Variants in DPH6 observed in about 807,000 individuals in gnomAD.
The protein encoded by DPH6 is diphthamine biosynthesis 6, also known as diphthine--ammonia ligase.
DPH6 carries 33 observed loss-of-function variants against 38.2 expected under a neutral mutation model. That is an observed-to-expected ratio of 0.86 (90% confidence interval 0.65 to 1.15). The LOEUF (loss-of-function observed/expected upper bound fraction) is 1.15, where lower values mean the gene tolerates loss of function less well. Ranked by LOEUF, DPH6 falls within the 50% of genes most tolerant of loss-of-function variation. The pLI is 0.00. For missense variants in DPH6, 325 were observed against 320.0 expected (o/e 1.02, Z -0.12); for synonymous variants, 108 against 103.0 (o/e 1.05, Z -0.30).
intron 3 of DPH6, among the ~76,000 whole-genome samples, chr15:35,358,927 G>A (rs550144462): frequency 6.6e-6 from 1 of 152,100 alleles, no homozygotes; most frequent in Non-Finnish European, 1.5e-5. Flanking sequence ...ACTAGTGGTG[G>A]GTAGGGCCCT....
the DPH6 span, among the ~76,000 whole-genome samples, chr15:35,196,758 T>C: frequency 3.3e-5 from 5 of 152,174 alleles, no homozygotes; most frequent in Non-Finnish European, 7.4e-5. Context: ...GGGGATAGCA[T>C]TGGCACATAA....
Position 35,479,631 on chromosome 15 carries a change from G to A in DPH6, c.313-24811C>T, listed in dbSNP as rs896065064. Among the ~76,000 whole-genome samples, 4 of 152,048 alleles carry A rather than the reference G, an allele frequency of 2.6e-5. No homozygotes were observed. The South Asian group carries it at 6.2e-4, about 24-fold the overall frequency. On this transcript the variant is annotated intron_variant, in intron 3 of 8. Transcript: ENST00000256538. ...ATGAAATTCAAACTGGTCACCAAGA[G>A]GTGACTTAATCTAGCTGCCTCTTGC...
Position 35,373,592 on chromosome 15 carries a change from C to G in DPH6, c.679G>C (p.Val227Leu), listed in dbSNP as rs750519127. ...KKIIVDSSEV[V>L]IHSADAFAPV... The stretch of plus-strand genomic sequence containing the variant: ...GCAAATGCATCAGCTGAATGTATGA[C>G]TACTTCTGATGAATCCCTGAAATAC... Residue 227 changes from valine (V) to leucine (L), a missense_variant, in exon 8 of 9, where the codon GTC (valine) becomes CTC (leucine). Physicochemically the swap from Val to Leu is conservative, Grantham distance 32. Coordinates refer to ENST00000256538, the MANE Select transcript of DPH6 (RefSeq NM_080650.4). The G allele has an allele frequency of 1.9e-6, 3 of 1,608,310 alleles. No homozygotes were observed. Among genetic ancestry groups the G allele is most frequent in the Admixed American group, 1.7e-5 (1 of 58,900 alleles).
At chr15:35,163,560 G>A in the DPH6 span, among the ~76,000 whole-genome samples, 1 of 151,916 alleles carries the variant, frequency 6.6e-6, no homozygotes, top group Non-Finnish European at 1.5e-5. Context: ...GCAGTGAATC[G>A]AAAAGTTATG....
chr15:35,474,286 A>T (rs1028483246), intron 3 of DPH6, among the ~76,000 whole-genome samples: 7 of 152,174 alleles, frequency 4.6e-5, no homozygotes, highest in African/African-American at 1.7e-4. Flanking sequence ...TCTGATCTAC[A>T]TATTACTGCC....
the DPH6 span, among the ~76,000 whole-genome samples, chr15:35,162,064 C>T: frequency 6.6e-6 from 1 of 151,864 alleles, no homozygotes; most frequent in Non-Finnish European, 1.5e-5. Context: ...ATCAAGTCTT[C>T]AATATATACC....
chr15:35,241,187 T>C (rs1296493929), intron 3 of DPH6, among the ~76,000 whole-genome samples: 12 of 142,818 alleles, frequency 8.4e-5, no homozygotes, highest in East Asian at 4.4e-4. Context: ...CCTGGAACTC[T>C]GGCCCAAGGC....
intron 3 of DPH6, among the ~76,000 whole-genome samples, chr15:35,496,567 A>ATATATATATATATATATATATAT (rs1555406398): frequency 7.1e-4 from 22 of 31,010 alleles, no homozygotes; most frequent in East Asian, 3.1e-3. Flanking sequence ...AAAAAAAAAA[A>ATATATATATATATATATATATAT]ATATATATAT....
chr15:35,291,203 C>G (rs1313192620), intron 3 of DPH6, among the ~76,000 whole-genome samples: 1 of 151,912 alleles, frequency 6.6e-6, no homozygotes, highest in African/African-American at 2.4e-5. Flanking sequence ...GTAAATTACA[C>G]CAAGGGATGG....
rs1356250772 is a variant in DPH6, at chr15:35,474,805, T to A, written c.313-19985A>T. On this transcript the variant is annotated intron_variant, in intron 3 of 8. Transcript: ENST00000256538. ...TGTACATTCAGAAGATCTTTAATAT[T>A]AAGAGTTGGGATATAAAAGCCAGTC... Among the ~76,000 whole-genome samples, 7 of 152,134 alleles carry A rather than the reference T, an allele frequency of 4.6e-5. No homozygotes were observed. The East Asian group carries it at 1.4e-3, about 29-fold the overall frequency.
intron 6 of DPH6, among the ~76,000 whole-genome samples, chr15:35,388,933 T>C (rs1035720001): frequency 6.6e-6 from 1 of 152,206 alleles, no homozygotes; most frequent in African/African-American, 2.4e-5. Flanking sequence ...ATTGTGATGT[T>C]AGGGTGTCAA....
intron 5 of DPH6, among the ~76,000 whole-genome samples, chr15:35,412,006 T>G (rs1328397596): frequency 6.6e-6 from 1 of 151,598 alleles, no homozygotes; most frequent in African/African-American, 2.4e-5. Flanking sequence ...ATTAATAAGC[T>G]GACTTCATTA....
At chr15:35,470,055 G>A (rs1202822760) in intron 3 of DPH6, among the ~76,000 whole-genome samples, 1 of 151,944 alleles carries the variant, frequency 6.6e-6, no homozygotes, top group Non-Finnish European at 1.5e-5. Context: ...AAAATTAGCC[G>A]GGCATGGTGG....
intron 3 of DPH6, among the ~76,000 whole-genome samples, chr15:35,241,570 AC>A (rs1300957155): frequency 7.0e-6 from 1 of 142,360 alleles, no homozygotes; most frequent in Non-Finnish European, 1.5e-5. Context: ...TGCTTCCCTG[AC>A]TATTCCTGGA....
At chr15:35,433,116 A>C (rs930155085) in intron 5 of DPH6, among the ~76,000 whole-genome samples, 1 of 152,256 alleles carries the variant, frequency 6.6e-6, no homozygotes, top group African/African-American at 2.4e-5. Context: ...TTTGCAAATC[A>C]AAGTATTAAA....
chr15:35,536,146 C>G (rs1016292323), intron 3 of DPH6, among the ~76,000 whole-genome samples: 2 of 151,810 alleles, frequency 1.3e-5, no homozygotes, highest in African/African-American at 2.4e-5. Flanking sequence ...TATAGCTTTT[C>G]TAGATTCATT....
At chr15:35,498,213 C>G (rs974921887) in intron 3 of DPH6, among the ~76,000 whole-genome samples, 4 of 152,084 alleles carry the variant, frequency 2.6e-5, no homozygotes, top group African/African-American at 4.8e-5. Flanking sequence ...TGAGTGCCAG[C>G]CCTCAGAAAG....
Position 35,468,718 on chromosome 15 carries a change from T to TGATGGGAAGTTTAAG in DPH6, c.313-13913_313-13899dup, listed in dbSNP as rs549405244. On this transcript the variant is annotated intron_variant, in intron 3 of 8. Coordinates refer to ENST00000256538, the MANE Select transcript of DPH6 (RefSeq NM_080650.4). ...GAAGGGGAAAAAAACCTGGTAAGAA[T>TGATGGGAAGTTTAAG]GATGGGAAGTTTAAGGGTGGCGAAA... 3.6e-3 allele frequency among the ~76,000 whole-genome samples: 542 copies of TGATGGGAAGTTTAAG among 152,048 alleles called. 2 individuals are homozygous for TGATGGGAAGTTTAAG. Among genetic ancestry groups the TGATGGGAAGTTTAAG allele is most frequent in the Middle Eastern group, 0.01 (3 of 294 alleles).
At chr15:35,331,019 G>T (rs1395529709) in exon 4 of DPH6, 1 of 152,206 alleles carries the variant, frequency 6.6e-6, no homozygotes, top group Non-Finnish European at 1.5e-5. Context: ...ACGTGGCTCA[G>T]ATGCTGCTAG....
Sources: allele counts gnomAD v4.1 joint callset (sites outside exome capture counted in the v4.1 genomes callset), GRCh38; gene constraint gnomAD v4.1.1; transcripts MANE v1.5; gene names NCBI Gene and HGNC (gene_info 2026-07-23, HGNC 2026-07-21).